NDST4: variants seen among roughly 807,000 people sequenced by gnomAD.
The protein encoded by NDST4 is N-heparan sulfate sulfotransferase 4.
A neutral mutation model predicts 100.8 loss-of-function variants in NDST4; 63 were observed. The ratio of observed to expected loss-of-function variants is 0.62; its 90% CI spans 0.51 to 0.77. The LOEUF (loss-of-function observed/expected upper bound fraction) is 0.77, where lower values mean the gene tolerates loss of function less well. Ranked by LOEUF, NDST4 falls within the 30% of genes least tolerant of loss-of-function variation. NDST4 has a pLI of 0.00. For synonymous variants in NDST4, 377 were observed against 361.8 expected, an observed-to-expected ratio of 1.04 and a Z score of -0.48; for missense variants, 943 against 1,018.4, an observed-to-expected ratio of 0.93 and a Z score of 1.01.
chr4:115,033,153 ATATAT>A lies in NDST4; in HGVS notation c.978+42901_978+42905del, dbSNP rs1246077131. Among the ~76,000 whole-genome samples the A allele has an allele frequency of 3.1e-3, 233 of 75,602 alleles. 2 individuals are homozygous for A. Among genetic ancestry groups the A allele is most frequent in the Middle Eastern group, 0.013 (2 of 154 alleles). 49.6% of individuals were successfully genotyped at this position (75,602 alleles called of 152,430 possible). On this transcript the variant is annotated intron_variant, in intron 2 of 13. Transcript: ENST00000264363. Reference sequence around the variant, plus strand: ...TGTGTATATATATATATATATATATATATATTTTTTTTTTTTTTGAAACAGGGTCT... The same window carrying A: ...TGTGTATATATATATATATATATATATTTTTTTTTTTTTGAAACAGGGTCT...
intron 7 of NDST4, among the ~76,000 whole-genome samples, chr4:114,859,947 A>G (rs1027881862): frequency 6.6e-6 from 1 of 151,942 alleles, no homozygotes; most frequent in African/African-American, 2.4e-5. Context: ...GGCAATGGCT[A>G]TTCATATTCA....
rs939437826 is a variant in NDST4 at position 114,993,018 on chromosome 4, G to T, written c.979-15744C>A. ...CCAAAAGAAAGAATTAAAATTCACA[G>T]AAATGAAATAGTATTTAAATAATTA... is the stretch of plus-strand genomic sequence containing the variant. On this transcript the variant is annotated intron_variant, in intron 2 of 13. Coordinates refer to ENST00000264363, the MANE Select transcript of NDST4 (RefSeq NM_022569.3). Among the ~76,000 whole-genome samples the T allele has an allele frequency of 5.3e-5, 8 of 151,884 alleles. 1 individual carries two copies. The South Asian group carries it at 1.7e-3, about 31-fold the overall frequency.
At chr4:115,004,723 T>C (rs1560854613) in intron 2 of NDST4, among the ~76,000 whole-genome samples, 1 of 152,180 alleles carries the variant, frequency 6.6e-6, no homozygotes, top group Non-Finnish European at 1.5e-5. Context: ...GTCCAGTGAG[T>C]TGTATAAGAC....
chr4:114,900,293 A>AT (rs1483681446), intron 6 of NDST4, among the ~76,000 whole-genome samples: 2 of 150,902 alleles, frequency 1.3e-5, no homozygotes, highest in African/African-American at 4.9e-5. Context: ...TGGTTTCTTG[A>AT]TTTTCTCTAC....
intron 6 of NDST4, among the ~76,000 whole-genome samples, chr4:114,888,260 C>A (rs904354330): frequency 4.6e-5 from 7 of 151,390 alleles, no homozygotes; most frequent in African/African-American, 1.7e-4. Flanking sequence ...TTATTGATAC[C>A]TTGCCTTTGT....
At chr4:114,879,086 G>A (rs1331819315) in intron 6 of NDST4, among the ~76,000 whole-genome samples, 3 of 151,792 alleles carry the variant, frequency 2.0e-5, no homozygotes, top group Admixed American at 6.6e-5. Context: ...GAAGTACAAC[G>A]TGAAGTTTTG....
intron 6 of NDST4, among the ~76,000 whole-genome samples, chr4:114,914,599 T>C (rs1171341734): frequency 1.3e-5 from 2 of 152,174 alleles, no homozygotes; most frequent in Admixed American, 1.3e-4. Flanking sequence ...AGGGACTGTG[T>C]GTAGACTATG....
intron 3 of NDST4, among the ~76,000 whole-genome samples, chr4:114,973,652 G>C (rs1046985957): frequency 6.6e-6 from 1 of 151,712 alleles, no homozygotes; most frequent in African/African-American, 2.4e-5. Flanking sequence ...TGAGATAAAA[G>C]TATGCTTCTG....
At chr4:114,986,860 T>C (rs1206453155) in intron 2 of NDST4, among the ~76,000 whole-genome samples, 1 of 138,888 alleles carries the variant, frequency 7.2e-6, no homozygotes, top group Admixed American at 7.4e-5. Flanking sequence ...TATAAGCTCT[T>C]GCTCTCAAGT....
At chr4:115,105,069 G>A (rs554205962) in intron 1 of NDST4, among the ~76,000 whole-genome samples, 4 of 152,258 alleles carry the variant, frequency 2.6e-5, no homozygotes, top group Non-Finnish European at 5.9e-5. Flanking sequence ...TATATCATGA[G>A]TCAGGGCAAA....
At chr4:114,835,026 A>G (rs1360862660) in intron 11 of NDST4, among the ~76,000 whole-genome samples, 1 of 151,980 alleles carries the variant, frequency 6.6e-6, no homozygotes, top group African/African-American at 2.4e-5. Flanking sequence ...CTAGCTAGCT[A>G]GTGGTCCATA....
intron 4 of NDST4, among the ~76,000 whole-genome samples, chr4:114,955,687 T>A (rs1169627306): frequency 6.6e-6 from 1 of 152,186 alleles, no homozygotes; most frequent in African/African-American, 2.4e-5. Context: ...TGAAAATTAT[T>A]TTAAAAACAT....
chr4:114,962,823 T>C (rs1402708586), intron 4 of NDST4, among the ~76,000 whole-genome samples: 1 of 152,016 alleles, frequency 6.6e-6, no homozygotes, highest in Non-Finnish European at 1.5e-5. Flanking sequence ...AAAATTCATA[T>C]GGAAATTCAA....
At chr4:114,841,667 T>A (rs10007513) in intron 10 of NDST4, among the ~76,000 whole-genome samples, 43,266 of 152,080 alleles carry the variant, frequency 0.28, 8,468 homozygotes, top group African/African-American at 0.56. Context: ...CTTAAATTTA[T>A]AACTTTAAGG....
At chr4:114,906,834 G>T (rs1724960159) in intron 6 of NDST4, among the ~76,000 whole-genome samples, 1 of 151,836 alleles carries the variant, frequency 6.6e-6, no homozygotes, top group South Asian at 2.1e-4. Flanking sequence ...TCTTCTGAAG[G>T]GACCATGGTG....
rs190706287 is a variant in NDST4, at chr4:114,928,336, C to A, written c.1536+6870G>T. Reference sequence around the variant, plus strand: ...CCTTAAACTTAAAATAGTAACTCATCATCAAGTAGCCCCAATATTTACTTT... The same window carrying A: ...CCTTAAACTTAAAATAGTAACTCATAATCAAGTAGCCCCAATATTTACTTT... On this transcript the variant is annotated intron_variant, in intron 6 of 13. Transcript: ENST00000264363. Among the ~76,000 whole-genome samples the A allele has an allele frequency of 2.8e-4, 43 of 152,306 alleles. No homozygotes were observed. In the East Asian group the frequency reaches 5.6e-3, roughly 20 times the overall value.
chr4:115,014,757 T>C (rs1404043701), intron 2 of NDST4, among the ~76,000 whole-genome samples: 1 of 152,060 alleles, frequency 6.6e-6, no homozygotes, highest in Non-Finnish European at 1.5e-5. Flanking sequence ...TTTGGAGCAA[T>C]GCCTTGTCAT....
chr4:114,829,153 A>C (rs1313013045), intron 13 of NDST4, among the ~76,000 whole-genome samples: 1 of 152,120 alleles, frequency 6.6e-6, no homozygotes, highest in Non-Finnish European at 1.5e-5. Context: ...CCTTGCCATA[A>C]GAGAAATATG....
In NDST4 at chr4:114,977,274, C is replaced by A. The variant is rs1190559176; in HGVS notation, c.979G>T (p.Ala327Ser). ...GTRMNVKDVK[A>S]LLETQNLLRT... is the part of the protein sequence containing the mutation. ...AGTAAATTTTGAGTCTCTAGTAATG[C>A]CTGAAATAAATAAGAAATTAACATG... Residue 327 changes from alanine (A) to serine (S), a missense_variant and splice_region_variant, in exon 3 of 14, where the codon GCA (alanine) becomes TCA (serine). Coordinates refer to ENST00000264363, the MANE Select transcript of NDST4 (RefSeq NM_022569.3). The A allele has an allele frequency of 1.3e-6, 2 of 1,578,450 alleles. No homozygotes were observed. Among genetic ancestry groups the A allele is most frequent in the South Asian group, 1.2e-5 (1 of 86,264 alleles).
Sources: allele counts gnomAD v4.1 joint callset (sites outside exome capture counted in the v4.1 genomes callset), GRCh38; gene constraint gnomAD v4.1.1; transcripts MANE v1.5; gene names NCBI Gene and HGNC (gene_info 2026-07-23, HGNC 2026-07-21).